The following SLC14A2 variants were observed in gnomAD, a reference collection of about 807,000 sequenced individuals.
SLC14A2 encodes urea transporter 2.
In SLC14A2, 91 loss-of-function variants were observed where a neutral mutation model predicts 104.6. That is an observed-to-expected ratio of 0.87 (90% CI 0.73 to 1.04). The LOEUF (loss-of-function observed/expected upper bound fraction) is 1.04, where lower values mean the gene tolerates loss of function less well. Among genes scored for constraint, SLC14A2 ranks in the 50% least tolerant of loss-of-function variants. The pLI is 0.00. For missense variants in SLC14A2, 1,189 were observed against 1,156.0 expected (o/e 1.03, Z -0.41); for synonymous variants, 476 against 466.4 (o/e 1.02, Z -0.27).
At chr18:45,262,358 A>G (rs1449123208) in intron 1 of SLC14A2, among the ~76,000 whole-genome samples, 2 of 152,078 alleles carry the variant, frequency 1.3e-5, no homozygotes, top group Admixed American at 6.6e-5. Flanking sequence ...GCCCTCCACC[A>G]CTGTACATGC....
At chr18:45,246,149 T>C (rs932734357) in intron 1 of SLC14A2, among the ~76,000 whole-genome samples, 3 of 152,048 alleles carry the variant, frequency 2.0e-5, no homozygotes, top group Admixed American at 1.3e-4. Flanking sequence ...CTTGTATCCT[T>C]ACAAAAAGAG....
chr18:45,460,087 G>C (rs923804164), intron 1 of SLC14A2, among the ~76,000 whole-genome samples: 1 of 152,142 alleles, frequency 6.6e-6, no homozygotes, highest in Non-Finnish European at 1.5e-5. Flanking sequence ...AGAGCCATTG[G>C]GTTCTGAGAG....
At chr18:45,196,756 G>T in the SLC14A2 span, among the ~76,000 whole-genome samples, 1 of 152,198 alleles carries the variant, frequency 6.6e-6, no homozygotes, top group Non-Finnish European at 1.5e-5. Flanking sequence ...CTAGTGCCTT[G>T]CAGGTTGTCA....
chr18:45,547,911 G>A (rs1326499821), intron 2 of SLC14A2, among the ~76,000 whole-genome samples: 1 of 152,174 alleles, frequency 6.6e-6, no homozygotes, highest in Non-Finnish European at 1.5e-5. Flanking sequence ...GGGTTGGCCT[G>A]GGGTGATCAG....
intron 2 of SLC14A2, among the ~76,000 whole-genome samples, chr18:45,506,328 G>C (rs1238450069): frequency 3.3e-5 from 5 of 152,132 alleles, no homozygotes; most frequent in Non-Finnish European, 7.3e-5. Flanking sequence ...CAGTTAGCCT[G>C]ATCACACACC....
intron 1 of SLC14A2, among the ~76,000 whole-genome samples, chr18:45,365,059 A>T (rs186853914): frequency 6.6e-6 from 1 of 152,298 alleles, no homozygotes; most frequent in Non-Finnish European, 1.5e-5. Context: ...ATTGAAAGAG[A>T]ATAGGGGAAT....
chr18:45,636,542 G>A (rs1404369041), intron 5 of SLC14A2, among the ~76,000 whole-genome samples: 1 of 152,154 alleles, frequency 6.6e-6, no homozygotes, highest in Admixed American at 6.5e-5. Flanking sequence ...TTACCCATAT[G>A]CCATTGCAGC....
chr18:45,536,901 G>A (rs896351295), intron 2 of SLC14A2, among the ~76,000 whole-genome samples: 2 of 152,088 alleles, frequency 1.3e-5, no homozygotes, highest in African/African-American at 4.8e-5. Context: ...GGGTGTCCTG[G>A]GTGGGCATCC....
At chr18:45,333,964 A>C (rs952408332) in intron 1 of SLC14A2, among the ~76,000 whole-genome samples, 42 of 152,330 alleles carry the variant, frequency 2.8e-4, no homozygotes, top group African/African-American at 9.6e-4. Context: ...TTTACTGTAC[A>C]TGGTGGTATA....
chr18:45,355,476 G>A lies in SLC14A2; in HGVS notation c.-124-127757G>A, dbSNP rs1466735827. Among the ~76,000 whole-genome samples the A allele has an allele frequency of 4.7e-5, 7 of 149,588 alleles. No homozygotes were observed. In the Admixed American group the frequency reaches 4.7e-4, roughly 10 times the overall value. The stretch of plus-strand genomic sequence containing the variant: ...GCCTGTAATCCCAGCTACTCAGGAG[G>A]CTGAGGCAGGAGAATCACTTGAACC... On this transcript the variant is annotated intron_variant, in intron 1 of 20. Transcript: ENST00000586448.
At chr18:45,470,571 T>C (rs2087228921) in intron 1 of SLC14A2, among the ~76,000 whole-genome samples, 1 of 152,226 alleles carries the variant, frequency 6.6e-6, no homozygotes, top group Admixed American at 6.5e-5. Context: ...TGTAGGTTCA[T>C]AGAGATAGTT....
At chr18:45,550,542 G>A (rs2044042149) in intron 2 of SLC14A2, among the ~76,000 whole-genome samples, 1 of 152,188 alleles carries the variant, frequency 6.6e-6, no homozygotes, top group Non-Finnish European at 1.5e-5. Context: ...ACCTGCCTGT[G>A]TGCCTGACAC....
rs1425640110 is a variant in SLC14A2, at chr18:45,309,441, T to A, written c.-125+96250T>A. On this transcript the variant is annotated intron_variant, in intron 1 of 20. Transcript: ENST00000586448. ...CTGGGCTCAAGCAATCCTCTTTCCT[T>A]GATTCCCATTGTACAGATGGATGAT... Among the ~76,000 whole-genome samples the A allele has an allele frequency of 2.0e-5, 3 of 146,486 alleles. No individual in the cohort carries two copies. The East Asian group carries it at 5.8e-4, about 28-fold the overall frequency.
At chr18:45,311,880 G>A (rs538344050) in intron 1 of SLC14A2, among the ~76,000 whole-genome samples, 2 of 152,326 alleles carry the variant, frequency 1.3e-5, no homozygotes, top group South Asian at 4.1e-4. Flanking sequence ...TTATGCAGAG[G>A]CCAAGACGTG....
chr18:45,626,578 A>G (rs984758180), intron 3 of SLC14A2, among the ~76,000 whole-genome samples: 1 of 152,170 alleles, frequency 6.6e-6, no homozygotes, highest in Admixed American at 6.5e-5. Flanking sequence ...GCACTACAGA[A>G]AAAAGAATTT....
chr18:45,593,047 G>A (rs962108287), intron 2 of SLC14A2, among the ~76,000 whole-genome samples: 9 of 152,206 alleles, frequency 5.9e-5, no homozygotes, highest in Non-Finnish European at 1.0e-4. Flanking sequence ...GCCGGGCGCC[G>A]TGGCTCACGC....
chr18:45,475,662 T>TAGG (rs1555693796), intron 1 of SLC14A2, among the ~76,000 whole-genome samples: 1 of 115,116 alleles, frequency 8.7e-6, no homozygotes, highest in Non-Finnish European at 1.8e-5. Flanking sequence ...TATATATATA[T>TAGG]ATATATATAT....
At chr18:45,415,152 G>A (rs1168937931) in intron 1 of SLC14A2, among the ~76,000 whole-genome samples, 1 of 152,020 alleles carries the variant, frequency 6.6e-6, no homozygotes, top group Non-Finnish European at 1.5e-5. Flanking sequence ...AAATTTCTTG[G>A]TCAGGATATT....
At chr18:45,459,758 T>G (rs1415204134) in intron 1 of SLC14A2, among the ~76,000 whole-genome samples, 3 of 152,234 alleles carry the variant, frequency 2.0e-5, no homozygotes, top group Non-Finnish European at 4.4e-5. Flanking sequence ...CCTTTCTCAT[T>G]TAAGTTTGTG....
Sources: gnomAD v4.1 joint callset for allele counts (sites outside exome capture counted in the v4.1 genomes callset) on GRCh38, gnomAD v4.1.1 for gene constraint, MANE v1.5 for transcripts, NCBI Gene and HGNC (gene_info 2026-07-23, HGNC 2026-07-21) for gene names.